Variants in CEP57L1 observed in about 807,000 individuals in gnomAD.
CEP57L1 encodes centrosomal protein 57 like 1, also known as centrosomal protein CEP57L1.
A neutral mutation model predicts 61.0 loss-of-function variants in CEP57L1; 37 were observed. The ratio of observed to expected loss-of-function variants is 0.61; its 90% CI spans 0.47 to 0.80. The LOEUF is 0.80. Ranked by LOEUF, CEP57L1 falls within the 30% of genes least tolerant of loss-of-function variation. CEP57L1 has a pLI of 0.00. For synonymous variants in CEP57L1, 137 were observed against 162.3 expected, an observed-to-expected ratio of 0.84 and a Z score of 1.19; for missense variants, 422 against 524.7, an observed-to-expected ratio of 0.80 and a Z score of 1.91.
chr6:109,153,461 G>T (rs1772877359), intron 4 of CEP57L1, among the ~76,000 whole-genome samples: 1 of 151,358 alleles, frequency 6.6e-6, no homozygotes, highest in Non-Finnish European at 1.5e-5. Context: ...GCCCAGGCTG[G>T]CCTCAAACTC....
Position 109,172,365 on chromosome 6 carries a change from G to A in CEP57L1, c.*9395G>A, listed in dbSNP as rs1229282791. Among the ~76,000 whole-genome samples, 1 of 152,178 alleles carries A rather than the reference G, an allele frequency of 6.6e-6. No homozygotes were observed. Among genetic ancestry groups the A allele is most frequent in the Non-Finnish European group, 1.5e-5 (1 of 68,026 alleles). On this transcript the variant is annotated 3_prime_UTR_variant, in exon 11 of 11. Transcript: ENST00000517392. Reference sequence around the variant, plus strand: ...TCAGTTTTCAGCCCCTCCAAAGATGGAGCTGATACTACATGGCCTAAGGAC... The same window carrying A: ...TCAGTTTTCAGCCCCTCCAAAGATGAAGCTGATACTACATGGCCTAAGGAC...
intron 1 of CEP57L1, among the ~76,000 whole-genome samples, chr6:109,113,215 T>C (rs1024797890): frequency 3.9e-5 from 6 of 152,124 alleles, no homozygotes; most frequent in African/African-American, 1.4e-4. Context: ...CATATATATT[T>C]AGGTATCTTT....
chr6:109,116,199 C>T (rs1772284304), intron 1 of CEP57L1, among the ~76,000 whole-genome samples: 1 of 149,504 alleles, frequency 6.7e-6, no homozygotes, highest in Non-Finnish European at 1.5e-5. Context: ...TTTTTTGAGA[C>T]AGAGTTTCAT....
chr6:109,153,789 AC>A, intron 4 of CEP57L1, 43 bp from the exon 5 acceptor site: 2 of 1,070,342 alleles, frequency 1.9e-6, no homozygotes, highest in Non-Finnish European at 2.9e-6. Flanking sequence ...CATTGGCATT[AC>A]TTGCCAAATT....
At chr6:109,111,378 C>T (rs561557230) in intron 1 of CEP57L1, among the ~76,000 whole-genome samples, 21 of 152,232 alleles carry the variant, frequency 1.4e-4, no homozygotes, top group African/African-American at 4.8e-4. Context: ...ATTTTGTATC[C>T]TGAGACTTTG....
intron 1 of CEP57L1, chr6:109,100,133 A>G (rs1427820472): frequency 6.6e-6 from 1 of 152,218 alleles, no homozygotes; most frequent in Non-Finnish European, 1.5e-5. Context: ...GCTTAAGCAC[A>G]CAAGAGGAAC....
chr6:109,136,740 ATTTTATT>A (rs1397153215), intron 1 of CEP57L1, among the ~76,000 whole-genome samples: 1 of 143,164 alleles, frequency 7.0e-6, no homozygotes, highest in African/African-American at 2.8e-5. Context: ...ATTTTATTTT[ATTTTATT>A]TTATTTTATT....
At chr6:109,114,045 A>T (rs1263926506) in intron 1 of CEP57L1, among the ~76,000 whole-genome samples, 4 of 147,808 alleles carry the variant, frequency 2.7e-5, no homozygotes, top group African/African-American at 7.4e-5. Context: ...TTCTGTACTT[A>T]TTTTTTTTTT....
Position 109,168,871 on chromosome 6 carries a change from C to T in CEP57L1, c.*5901C>T, listed in dbSNP as rs1172095613. Among the ~76,000 whole-genome samples, 1 of 151,274 alleles carries T rather than the reference C, an allele frequency of 6.6e-6. No individual in the cohort carries two copies. The highest frequency in any genetic ancestry group is 1.5e-5 in the Non-Finnish European group (1 of 67,866). On this transcript the variant is annotated 3_prime_UTR_variant, in exon 11 of 11. Coordinates refer to ENST00000517392, the MANE Select transcript of CEP57L1 (RefSeq NM_001271852.3). ...TCAGTGTCCCAAAGTGCTGGGATTA[C>T]AGGCGTGAGCCACCATGCCTGGCCA...
chr6:109,147,333 A>G (rs2114875786), intron 3 of CEP57L1, among the ~76,000 whole-genome samples: 1 of 152,270 alleles, frequency 6.6e-6, no homozygotes, highest in African/African-American at 2.4e-5. Flanking sequence ...ACTAGTAATT[A>G]AACAATGTAA....
chr6:109,112,140 ATC>A (rs1301376676), intron 1 of CEP57L1, among the ~76,000 whole-genome samples: 1 of 152,114 alleles, frequency 6.6e-6, no homozygotes, highest in Non-Finnish European at 1.5e-5. Context: ...TCGGCTGTGA[ATC>A]TCTCTGGTCC....
At chr6:109,145,475 T>C (rs1771868293) in intron 2 of CEP57L1, 94 bp downstream of exon 2, 1 of 804,518 alleles carries the variant, frequency 1.2e-6, no homozygotes, top group African/African-American at 1.7e-5. Flanking sequence ...ATATTTAATC[T>C]TAACAAAACT....
chr6:109,153,709 G>C (rs1249646311), intron 4 of CEP57L1, 124 bp from the exon 5 acceptor site: 2 of 692,482 alleles, frequency 2.9e-6, no homozygotes, highest in East Asian at 5.3e-5. Flanking sequence ...ATGTGTGTTT[G>C]TTTATGTACA....
chr6:109,096,122 C>G (rs1734062407), intron 1 of CEP57L1, among the ~76,000 whole-genome samples: 1 of 152,120 alleles, frequency 6.6e-6, no homozygotes, highest in African/African-American at 2.4e-5. Context: ...TCGACTTTTT[C>G]AAAAGATTCA....
intron 10 of CEP57L1, among the ~76,000 whole-genome samples, chr6:109,161,381 C>T (rs1349854526): frequency 6.6e-6 from 1 of 152,132 alleles, no homozygotes; most frequent in African/African-American, 2.4e-5. Context: ...TATTACACTG[C>T]TGGAGCAGAA....
intron 1 of CEP57L1, chr6:109,100,381 TAAA>T (rs946722435): frequency 2.0e-5 from 3 of 151,514 alleles, no homozygotes; most frequent in African/African-American, 7.3e-5. Context: ...AAGTTCGTCC[TAAA>T]AAAAACAAAG....
At position 109,170,296 on chromosome 6, in the gene CEP57L1, A is replaced by G. The variant is rs947445536; in HGVS notation, c.*7326A>G. ...GATTGTAAAGTGAGCCAGACCTTCC[A>G]ATCAGCTAAAATAATGTAAAATAAT... On this transcript the variant is annotated 3_prime_UTR_variant, in exon 11 of 11. Coordinates refer to ENST00000517392, the MANE Select transcript of CEP57L1 (RefSeq NM_001271852.3). Among the ~76,000 whole-genome samples, 1 of 152,172 alleles carries G rather than the reference A, an allele frequency of 6.6e-6. No individual in the cohort carries two copies. Among genetic ancestry groups the G allele is most frequent in the African/African-American group, 2.4e-5 (1 of 41,450 alleles).
chr6:109,144,221 T>C (rs1771723144), intron 1 of CEP57L1, among the ~76,000 whole-genome samples: 1 of 152,192 alleles, frequency 6.6e-6, no homozygotes, highest in Non-Finnish European at 1.5e-5. Context: ...AAGTGTGCCT[T>C]CTGCCCTTCC....
At chr6:109,098,137 T>C (rs1370157312) in intron 1 of CEP57L1, among the ~76,000 whole-genome samples, 1 of 152,140 alleles carries the variant, frequency 6.6e-6, no homozygotes, top group Non-Finnish European at 1.5e-5. Flanking sequence ...TCTCTCTCTC[T>C]TTCTCTCTCT....
Sources: allele counts gnomAD v4.1 joint callset (sites outside exome capture counted in the v4.1 genomes callset), GRCh38; gene constraint gnomAD v4.1.1; transcripts MANE v1.5; gene names NCBI Gene and HGNC (gene_info 2026-07-23, HGNC 2026-07-21).